The following ZNF526 variants were observed in gnomAD, a reference collection of about 807,000 sequenced individuals.
ZNF526 encodes the protein zinc finger protein 526.
ZNF526 carries 16 observed loss-of-function variants against 32.4 expected under a neutral mutation model. The ratio of observed to expected loss-of-function variants is 0.49; its 90% CI spans 0.33 to 0.75. The LOEUF (loss-of-function observed/expected upper bound fraction) is 0.75, where lower values mean the gene tolerates loss of function less well. Among genes scored for constraint, ZNF526 ranks in the 30% least tolerant of loss-of-function variants. The pLI is 0.02. For missense variants in ZNF526, 838 were observed against 920.7 expected (o/e 0.91, Z 1.16); for synonymous variants, 355 against 363.4 (o/e 0.98, Z 0.26).
At position 42,226,640 on chromosome 19, in the gene ZNF526, TGTA is replaced by T. The variant is rs2036184552; in HGVS notation, c.*225_*227del. ...TGAAGCTCTGAAATGCGATGTGATC[TGTA>T]CCAGGTCACCCAGCTATGCTGCAAA... On this transcript the variant is annotated 3_prime_UTR_variant, in exon 3 of 3. Transcript: ENST00000301215. 5.9e-6 allele frequency: 4 copies of T among 676,526 alleles called. No individual in the cohort carries two copies. The highest frequency in any genetic ancestry group is 3.6e-5 in the South Asian group (2 of 55,682). 41.9% of individuals were successfully genotyped at this position (676,526 alleles called of 1,614,324 possible). A position where few individuals can be genotyped will look rare whatever the true frequency, so the allele number is the denominator to read the frequency against.
Position 42,224,450 on chromosome 19 carries a change from C to A in ZNF526, c.47C>A (p.Ser16Ter), listed in dbSNP as rs1394553795. Residue 16 changes from serine to a stop codon, truncating the protein, a stop_gained, in exon 3 of 3, where the codon TCA (serine) becomes TAA (stop). Coordinates refer to ENST00000301215, the MANE Select transcript of ZNF526 (RefSeq NM_133444.3). LOFTEE classifies it low-confidence loss of function (END_TRUNC). Reference sequence around the variant, plus strand: ...GTGGCCGAGATGCCAACACAGATGTCACCAGGGGCAGTGGAGATGTCAACA... The same window carrying A: ...GTGGCCGAGATGCCAACACAGATGTAACCAGGGGCAGTGGAGATGTCAACA... ...AEVAEMPTQM[S>*]PGAVEMSTPM... 2 of 1,614,172 alleles carry A rather than the reference C, an allele frequency of 1.2e-6. No individual in the cohort carries two copies. Among genetic ancestry groups the A allele is most frequent in the Non-Finnish European group, 1.7e-6 (2 of 1,180,036 alleles).
chr19:42,226,847 C>G lies in ZNF526; in HGVS notation c.*431C>G, dbSNP rs1430463292. 1 of 301,158 alleles carries G rather than the reference C, an allele frequency of 3.3e-6. No homozygotes were observed. Among genetic ancestry groups the G allele is most frequent in the Non-Finnish European group, 6.8e-6 (1 of 147,034 alleles). The allele number at this position is 301,158 out of a possible 1,614,324, so 18.7% of individuals were successfully genotyped here. A position where few individuals can be genotyped will look rare whatever the true frequency, so the allele number is the denominator to read the frequency against. ...TGGATTTTGGGCACCCAGGACTTTG[C>G]TCTGCCTGGTGGAGGGTACTTGATT... On this transcript the variant is annotated 3_prime_UTR_variant, in exon 3 of 3. Transcript: ENST00000301215.
At position 42,225,385 on chromosome 19, in the gene ZNF526, G is replaced by T; in HGVS notation, c.982G>T (p.Val328Phe). The change falls in exon 3 of 3, where the codon GTT becomes TTT. Residue 328 changes from valine (V) to phenylalanine (F), a missense_variant. Transcript: ENST00000301215. The part of the protein sequence containing the change: ...NRLQAHGRAH[V>F]GGTHECTTCS... ...GCTGCAGGCTCATGGGCGGGCCCAT[G>T]TTGGTGGCACACATGAGTGTACAAC... 6.2e-7 allele frequency: 1 copy of T among 1,613,970 alleles called. No homozygotes were observed. Among genetic ancestry groups the T allele is most frequent in the Non-Finnish European group, 8.5e-7 (1 of 1,180,030 alleles).
Position 42,226,480 on chromosome 19 carries a change from G to C in ZNF526, c.*64G>C. On this transcript the variant is annotated 3_prime_UTR_variant, in exon 3 of 3. Transcript: ENST00000301215. Reference sequence around the variant, plus strand: ...CAGCCAGTGTGGGTACCTCTGGGGAGAGAGGACCTCCTCTGACAAACTGGT... The same window carrying C: ...CAGCCAGTGTGGGTACCTCTGGGGACAGAGGACCTCCTCTGACAAACTGGT... 1.2e-6 allele frequency: 2 copies of C among 1,609,218 alleles called. No homozygotes were observed. The highest frequency in any genetic ancestry group is 2.2e-5 in the South Asian group (2 of 90,582).
In ZNF526 at chr19:42,225,348, C is replaced by G. The variant is rs1276589973; in HGVS notation, c.945C>G (p.Ser315Arg). 3 of 1,613,966 alleles carry G rather than the reference C, an allele frequency of 1.9e-6. No homozygotes were observed. The highest frequency in any genetic ancestry group is 3.3e-5 in the Admixed American group (2 of 60,036). Reference protein sequence around the residue: ...FHCSQCQRSFSSANRLQAHGR... With the variant: ...FHCSQCQRSFRSANRLQAHGR... Reference sequence around the variant, plus strand: ...GCAGCCAGTGTCAGCGCAGTTTCAGCTCCGCCAACCGGCTGCAGGCTCATG... The same window carrying G: ...GCAGCCAGTGTCAGCGCAGTTTCAGGTCCGCCAACCGGCTGCAGGCTCATG... The change falls in exon 3 of 3, where the codon AGC (serine) becomes AGG (arginine). Residue 315 changes from serine (S) to arginine (R), a missense_variant. By Grantham distance (110) the Ser-to-Arg change is moderately radical. Transcript: ENST00000301215.
In ZNF526 at chr19:42,225,411, C is replaced by T. The variant is rs1318767736; in HGVS notation, c.1008C>T (p.Thr336=). The change falls in exon 3 of 3, where the codon ACC becomes ACT. Residue 336 remains threonine (T), a synonymous_variant. Coordinates refer to ENST00000301215, the MANE Select transcript of ZNF526 (RefSeq NM_133444.3). ...TTGGTGGCACACATGAGTGTACAACCTGCTCCAAGGTCTTCAAGAAAGCAG... is the reference window on the plus strand; with the variant it reads ...TTGGTGGCACACATGAGTGTACAACTTGCTCCAAGGTCTTCAAGAAAGCAG... ...AHVGGTHECT[T]CSKVFKKAAS... 1.2e-6 allele frequency: 2 copies of T among 1,614,092 alleles called. No homozygotes were observed. Among genetic ancestry groups the T allele is most frequent in the African/African-American group, 2.7e-5 (2 of 75,066 alleles).
In ZNF526 at chr19:42,224,479, AT is replaced by A; in HGVS notation, c.77del (p.Met26SerfsTer5). 1 of 1,614,170 alleles carries A rather than the reference AT, an allele frequency of 6.2e-7. No homozygotes were observed. Among genetic ancestry groups the A allele is most frequent in the East Asian group, 2.2e-5 (1 of 44,874 alleles). ...AGGGGCAGTGGAGATGTCAACACCT[AT>A]GTCGGCAGAGATGATGGAGATGTCA... ...SPGAVEMSTP[M>X]SAEMMEMSTE... On this transcript the variant is annotated frameshift_variant, in exon 3 of 3. Transcript: ENST00000301215. LOFTEE classifies it low-confidence loss of function (END_TRUNC).
rs745566989 is a variant in ZNF526 at position 42,224,697 on chromosome 19, G to A, written c.294G>A (p.Pro98=). Reference sequence around the variant, plus strand: ...CCACACAGAATGTTGGCCTGGAGCCGGAGCTGGTGCCGGGTGCTGAGGGGC... The same window carrying A: ...CCACACAGAATGTTGGCCTGGAGCCAGAGCTGGTGCCGGGTGCTGAGGGGC... ...ALTTQNVGLE[P]ELVPGAEGPF... Residue 98 remains proline (P), a synonymous_variant, in exon 3 of 3, where the codon CCG becomes CCA. Coordinates refer to ENST00000301215, the MANE Select transcript of ZNF526 (RefSeq NM_133444.3). The A allele has an allele frequency of 1.4e-5, 23 of 1,614,128 alleles. No homozygotes were observed. Among genetic ancestry groups the A allele is most frequent in the Middle Eastern group, 1.6e-4 (1 of 6,062 alleles).
intron 1 of ZNF526, among the ~76,000 whole-genome samples, chr19:42,221,835 A>C (rs530795149): frequency 6.6e-6 from 1 of 151,398 alleles, no homozygotes; most frequent in South Asian, 2.1e-4. Context: ...GAAAAAAAAA[A>C]AAAAACCTCT....
At position 42,224,828 on chromosome 19, in the gene ZNF526, G is replaced by A; in HGVS notation, c.425G>A (p.Cys142Tyr). 1 of 1,613,898 alleles carries A rather than the reference G, an allele frequency of 6.2e-7. No individual in the cohort carries two copies. The highest frequency in any genetic ancestry group is 8.5e-7 in the Non-Finnish European group (1 of 1,180,024). The change falls in exon 3 of 3, where the codon TGC (cysteine) becomes TAC (tyrosine). Residue 142 changes from cysteine (C) to tyrosine (Y), a missense_variant. Cys to Tyr is a radical substitution (Grantham distance 194). Transcript: ENST00000301215. ...TCTGCAAACCAGATCCAATACCAGT[G>A]CTGGGACTGCCAGGAGCTGTTCCCC... Reference protein sequence around the residue: ...RESANQIQYQCWDCQELFPSP... With the variant: ...RESANQIQYQYWDCQELFPSP...
At position 42,224,248 on chromosome 19, in the gene ZNF526, TG is replaced by T; in HGVS notation, c.-72del. ...GGGGTGTGTGTAGGCTTCAGAGACA[TG>T]GGATCACGGAAGACTGAAGCAGAAA... On this transcript the variant is annotated 5_prime_UTR_variant, in exon 2 of 3. The change abolishes the stop of an existing upstream ORF in the 5' untranslated region. Transcript: ENST00000301215. The T allele has an allele frequency of 4.3e-6, 3 of 699,402 alleles. No individual in the cohort carries two copies. Among genetic ancestry groups the T allele is most frequent in the East Asian group, 5.5e-5 (2 of 36,442 alleles). The allele number at this position is 699,402 out of a possible 1,614,324, so 43.3% of individuals were successfully genotyped here.
chr19:42,224,290 T>A lies in ZNF526; in HGVS notation c.-33T>A. ...GAAGCAGAAACAGTGGATTAAGACT[T>A]CCTGAGCGATAGCTGGTGAGTAGTG... On this transcript the variant is annotated 5_prime_UTR_variant, in exon 2 of 3. Transcript: ENST00000301215. 1.1e-6 allele frequency: 1 copy of A among 893,914 alleles called. No individual in the cohort carries two copies. The highest frequency in any genetic ancestry group is 1.4e-5 in the South Asian group (1 of 72,258). The allele number at this position is 893,914 out of a possible 1,614,324, so 55.4% of individuals were successfully genotyped here.
rs146114354 is a variant in ZNF526, at chr19:42,226,411, G to C, written c.2008G>C (p.Val670Leu). 6.2e-7 allele frequency: 1 copy of C among 1,614,216 alleles called. No homozygotes were observed. The highest frequency in any genetic ancestry group is 1.1e-5 in the South Asian group (1 of 91,086). The part of the protein sequence containing the change: ...GGLLQLDTAF[V>L] ...GCTCTTGCAGTTGGACACGGCCTTC[G>C]TGTGACGCAGCTGAAAAGCAACAAC... Residue 670 changes from valine to leucine, a missense_variant, in exon 3 of 3, where the codon GTG (valine) becomes CTG (leucine). Physicochemically the swap from Val to Leu is conservative, Grantham distance 32 (BLOSUM62 1). Coordinates refer to ENST00000301215, the MANE Select transcript of ZNF526 (RefSeq NM_133444.3).
Position 42,226,645 on chromosome 19 carries a change from C to A in ZNF526, c.*229C>A. On this transcript the variant is annotated 3_prime_UTR_variant, in exon 3 of 3. Coordinates refer to ENST00000301215, the MANE Select transcript of ZNF526 (RefSeq NM_133444.3). ...CTCTGAAATGCGATGTGATCTGTAC[C>A]AGGTCACCCAGCTATGCTGCAAAGT... The A allele has an allele frequency of 1.5e-6, 1 of 659,278 alleles. No homozygotes were observed. The allele number at this position is 659,278 out of a possible 1,614,324, so 40.8% of individuals were successfully genotyped here. A position where few individuals can be genotyped will look rare whatever the true frequency, so the allele number is the denominator to read the frequency against.
rs778349468 is a variant in ZNF526, at chr19:42,224,989, C to G, written c.586C>G (p.Pro196Ala). The G allele has an allele frequency of 3.7e-6, 6 of 1,614,222 alleles. No individual in the cohort carries two copies. Among genetic ancestry groups the G allele is most frequent in the Non-Finnish European group, 3.4e-6 (4 of 1,180,040 alleles). The part of the protein sequence containing the change: ...PSPPSEVKME[P>A]YECPECSTLC... The stretch of plus-strand genomic sequence containing the variant: ...TCCCCCATCCGAAGTCAAGATGGAG[C>G]CCTATGAGTGTCCTGAGTGCTCTAC... Residue 196 changes from proline to alanine, a missense_variant, in exon 3 of 3, where the codon CCC becomes GCC. By Grantham distance (27) the Pro-to-Ala change is conservative. Transcript: ENST00000301215.
intron 1 of ZNF526, 169 bp downstream of exon 1, chr19:42,220,556 T>G (rs925469484): frequency 1.3e-5 from 2 of 152,208 alleles, no homozygotes; most frequent in African/African-American, 4.8e-5. Flanking sequence ...CTGGGGCTCC[T>G]TTAGTGTGCG....
Position 42,224,512 on chromosome 19 carries a change from G to A in ZNF526, c.109G>A (p.Val37Met), listed in dbSNP as rs1474041203. Reference protein sequence around the residue: ...SAEMMEMSTEVTEMTPGEALA... With the variant: ...SAEMMEMSTEMTEMTPGEALA... ...AGAGATGATGGAGATGTCAACAGAA[G>A]TGACTGAGATGACACCTGGGGAGGC... Residue 37 changes from valine to methionine, a missense_variant, in exon 3 of 3, where the codon GTG becomes ATG. By Grantham distance (21) the Val-to-Met change is conservative. Coordinates refer to ENST00000301215, the MANE Select transcript of ZNF526 (RefSeq NM_133444.3). 1 of 1,614,230 alleles carries A rather than the reference G, an allele frequency of 6.2e-7. No individual in the cohort carries two copies. Among genetic ancestry groups the A allele is most frequent in the Non-Finnish European group, 8.5e-7 (1 of 1,180,052 alleles).
chr19:42,225,011 C>T lies in ZNF526; in HGVS notation c.608C>T (p.Ser203Phe), dbSNP rs779532992. ...GAGCCCTATGAGTGTCCTGAGTGCT[C>T]TACCCTCTGCGCCACCCCTGAGGAG... ...KMEPYECPEC[S>F]TLCATPEEFL... is the part of the protein sequence containing the mutation. The change falls in exon 3 of 3, where the codon TCT (serine) becomes TTT (phenylalanine). Residue 203 changes from serine to phenylalanine, a missense_variant. By Grantham distance (155) the Ser-to-Phe change is radical. Coordinates refer to ENST00000301215, the MANE Select transcript of ZNF526 (RefSeq NM_133444.3). 6.2e-7 allele frequency: 1 copy of T among 1,614,100 alleles called. No individual in the cohort carries two copies. The highest frequency in any genetic ancestry group is 1.3e-5 in the African/African-American group (1 of 74,926).
In ZNF526 at chr19:42,224,734, G is replaced by A; in HGVS notation, c.331G>A (p.Gly111Ser). 1.2e-6 allele frequency: 2 copies of A among 1,614,110 alleles called. No individual in the cohort carries two copies. The highest frequency in any genetic ancestry group is 1.7e-6 in the Non-Finnish European group (2 of 1,180,026). Residue 111 changes from glycine (G) to serine (S), a missense_variant, in exon 3 of 3, where the codon GGT becomes AGT. Transcript: ENST00000301215. ...GGGTGCTGAGGGGCCCTTCCAGTGTGGTGAATGCAGCCAGCTCATCCTCTC... is the reference window on the plus strand; with the variant it reads ...GGGTGCTGAGGGGCCCTTCCAGTGTAGTGAATGCAGCCAGCTCATCCTCTC... ...VPGAEGPFQC[G>S]ECSQLILSPG...
Sources: allele counts gnomAD v4.1 joint callset (sites outside exome capture counted in the v4.1 genomes callset), GRCh38; gene constraint gnomAD v4.1.1; transcripts MANE v1.5; gene names NCBI Gene and HGNC (gene_info 2026-07-23, HGNC 2026-07-21).